Variants in RBFOX2 observed in about 807,000 individuals in gnomAD.
RBFOX2 encodes the protein RNA binding protein fox-1 homolog 2.
Under a neutral mutation model 49.1 loss-of-function variants are expected in RBFOX2, and 10 were observed. That is an observed-to-expected ratio of 0.20 (90% CI 0.13 to 0.35). RBFOX2 has a LOEUF of 0.35. RBFOX2 is among the 10% of genes least tolerant of loss of function. RBFOX2 has a pLI of 1.00. For synonymous variants in RBFOX2, 183 were observed against 187.4 expected (o/e 0.98, Z 0.19); for missense variants, 323 against 486.9 (o/e 0.66, Z 3.17).
intron 1 of RBFOX2, among the ~76,000 whole-genome samples, chr22:35,891,042 G>C (rs2047176417): frequency 1.3e-5 from 2 of 152,112 alleles, no homozygotes; most frequent in South Asian, 4.1e-4. Flanking sequence ...TAATTGAATA[G>C]CATATAAAAA....
At chr22:35,824,064 G>A (rs535530097) in intron 1 of RBFOX2, among the ~76,000 whole-genome samples, 14 of 152,010 alleles carry the variant, frequency 9.2e-5, no homozygotes, top group Non-Finnish European at 1.9e-4. Context: ...CAGGAGATTC[G>A]CTTCAACTCA....
chr22:35,955,345 A>G (rs936205652), intron 1 of RBFOX2, among the ~76,000 whole-genome samples: 1 of 152,228 alleles, frequency 6.6e-6, no homozygotes, highest in African/African-American at 2.4e-5. Context: ...TAATTCCTTT[A>G]AAAGTATCAA....
chr22:35,963,484 C>T (rs376713026), upstream of RBFOX2, among the ~76,000 whole-genome samples: 13 of 152,238 alleles, frequency 8.5e-5, no homozygotes, highest in East Asian at 1.2e-3. Flanking sequence ...GTATAATAAG[C>T]ACAGTCACCT....
chr22:35,739,363 A>G (rs1928657562), exon 12 of RBFOX2: 1 of 152,384 alleles, frequency 6.6e-6, no homozygotes. Flanking sequence ...CCTGTCAGGG[A>G]CAAGTACACT....
chr22:35,746,045 A>G (rs770583729), intron 10 of RBFOX2, 50 bp from the exon 13 acceptor site: 1 of 1,500,696 alleles, frequency 6.7e-7, no homozygotes, highest in East Asian at 2.3e-5. Context: ...GTATGATCTA[A>G]AAAAATTAAA....
chr22:35,967,390 T>A lies in RBFOX2; in HGVS notation c.187-28493A>T, dbSNP rs12160228. ...GAGACCTTGTCTCAAAATAAAAAATTAAAAAAAAAAAATACCCTACCAAAA... is the reference window on the plus strand; with the variant it reads ...GAGACCTTGTCTCAAAATAAAAAATAAAAAAAAAAAAATACCCTACCAAAA... On this transcript the variant is annotated intron_variant, in intron 1 of 13. Coordinates refer to the RBFOX2 transcript ENST00000438146. Among the ~76,000 whole-genome samples, 98 of 113,486 alleles carry A rather than the reference T, an allele frequency of 8.6e-4. 2 individuals carry two copies. Among genetic ancestry groups the A allele is most frequent in the South Asian group, 5.1e-3 (19 of 3,708 alleles). 74.5% of individuals were successfully genotyped at this position (113,486 alleles called of 152,430 possible).
chr22:35,921,356 A>G (rs532866980), intron 1 of RBFOX2, among the ~76,000 whole-genome samples: 2 of 152,340 alleles, frequency 1.3e-5, no homozygotes, highest in African/African-American at 2.4e-5. Context: ...AAAACAGATT[A>G]CTGGACCCCA....
At chr22:36,001,294 G>A (rs148319608) in intron 1 of RBFOX2, among the ~76,000 whole-genome samples, 1 of 151,012 alleles carries the variant, frequency 6.6e-6, no homozygotes, top group Non-Finnish European at 1.5e-5. Flanking sequence ...AAAGACAAGT[G>A]ACAAGCTGAA....
At chr22:35,900,930 T>C (rs1344869450) in intron 1 of RBFOX2, among the ~76,000 whole-genome samples, 2 of 152,234 alleles carry the variant, frequency 1.3e-5, no homozygotes, top group East Asian at 3.8e-4. Context: ...TGGCTGCCAC[T>C]TTCCAGTTAG....
At chr22:35,961,298 G>A (rs975195001) in intron 1 of RBFOX2, among the ~76,000 whole-genome samples, 4 of 152,014 alleles carry the variant, frequency 2.6e-5, no homozygotes, top group African/African-American at 9.7e-5. Context: ...AATACTTCAG[G>A]GATACAACTA....
intron 1 of RBFOX2, among the ~76,000 whole-genome samples, chr22:35,951,241 CTT>C (rs1208551684): frequency 1.3e-5 from 1 of 78,350 alleles, no homozygotes; most frequent in Non-Finnish European, 2.3e-5. Flanking sequence ...GCACCCGGCC[CTT>C]TTTTTTTTTT....
At chr22:36,014,763 T>G (rs918353697) in intron 1 of RBFOX2, among the ~76,000 whole-genome samples, 1 of 152,188 alleles carries the variant, frequency 6.6e-6, no homozygotes, top group African/African-American at 2.4e-5. Flanking sequence ...AAATTGCGCA[T>G]GCACACACAG....
intron 1 of RBFOX2, among the ~76,000 whole-genome samples, chr22:35,879,687 G>A (rs79716954): frequency 2.0e-3 from 303 of 152,322 alleles, no homozygotes; most frequent in Non-Finnish European, 3.2e-3. Context: ...TCTTCTGAGC[G>A]AAACACATCA....
chr22:35,775,429 G>C (rs1203450012), intron 4 of RBFOX2, among the ~76,000 whole-genome samples: 1 of 152,186 alleles, frequency 6.6e-6, no homozygotes, highest in Non-Finnish European at 1.5e-5. Flanking sequence ...GGGGCAGTGA[G>C]GACACAGCAT....
chr22:35,745,573 T>C (rs1407041822), intron 11 of RBFOX2, among the ~76,000 whole-genome samples: 1 of 152,192 alleles, frequency 6.6e-6, no homozygotes, highest in Non-Finnish European at 1.5e-5. Flanking sequence ...TGCTCCATGC[T>C]CCTTTGCCAA....
rs571688160 is a variant in RBFOX2 at position 36,001,647 on chromosome 22, A to G, written c.186+26593T>C. Among the ~76,000 whole-genome samples the G allele has an allele frequency of 2.0e-5, 3 of 152,238 alleles. No homozygotes were observed. In the South Asian group the frequency reaches 6.2e-4, roughly 32 times the overall value. ...GCATAGTAGTGCATGCCTTAGTCCTAGCTACTCAGGAGGTCCATGCAGGAG... is the reference window on the plus strand; with the variant it reads ...GCATAGTAGTGCATGCCTTAGTCCTGGCTACTCAGGAGGTCCATGCAGGAG... On this transcript the variant is annotated intron_variant, in intron 1 of 13. Transcript: ENST00000438146.
chr22:35,780,539 G>C (rs1388562052), intron 3 of RBFOX2, among the ~76,000 whole-genome samples: 1 of 152,010 alleles, frequency 6.6e-6, no homozygotes, highest in East Asian at 1.9e-4. Context: ...TGGTGATTCA[G>C]GAGGAAATAA....
chr22:35,775,841 C>CAAAAAAAAAAAAAAAAAA (rs753116056), intron 4 of RBFOX2, among the ~76,000 whole-genome samples: 41 of 56,142 alleles, frequency 7.3e-4, no homozygotes, highest in Non-Finnish European at 9.4e-4. Flanking sequence ...GAATCTGCCT[C>CAAAAAAAAAAAAAAAAAA]AAAAAAAAAA....
At chr22:36,001,703 A>T (rs1330220222) in intron 1 of RBFOX2, among the ~76,000 whole-genome samples, 1 of 152,220 alleles carries the variant, frequency 6.6e-6, no homozygotes, top group Non-Finnish European at 1.5e-5. Context: ...TCAAGGTTAC[A>T]GTAAGTTATT....
Sources: gnomAD v4.1 joint callset for allele counts (sites outside exome capture counted in the v4.1 genomes callset) on GRCh38, gnomAD v4.1.1 for gene constraint, MANE v1.5 for transcripts, NCBI Gene and HGNC (gene_info 2026-07-23, HGNC 2026-07-21) for gene names.